Variants in RBFOX1 observed in about 807,000 individuals in gnomAD.
RBFOX1 encodes RNA binding fox-1 homolog 1.
In RBFOX1, 8 loss-of-function variants were observed where a neutral mutation model predicts 57.7. The ratio of observed to expected loss-of-function variants is 0.14; its 90% CI spans 0.08 to 0.25. RBFOX1 has a LOEUF of 0.25. Among genes scored for constraint, RBFOX1 ranks in the 10% least tolerant of loss-of-function variants. The pLI, the probability that RBFOX1 is intolerant of heterozygous loss-of-function variation, is 1.00. For missense variants in RBFOX1, 611 were observed against 548.5 expected (o/e 1.11, Z -1.14); for synonymous variants, 326 against 222.4 (o/e 1.47, Z -4.15).
rs142891625 is a variant in RBFOX1 at position 6,861,757 on chromosome 16, A to G, written c.-15-190300A>G. Among the ~76,000 whole-genome samples, 36 of 150,902 alleles carry G rather than the reference A, an allele frequency of 2.4e-4. No individual in the cohort carries two copies. In the East Asian group the frequency reaches 6.5e-3, roughly 27 times the overall value. On this transcript the variant is annotated intron_variant, in intron 3 of 15. Transcript: ENST00000550418. ...CAGCTATTTGAAAACCCTATTGATA[A>G]TAAGTATTTGGCCAAAGTGTTTCCA...
At chr16:7,153,985 T>G (rs567177182) in intron 4 of RBFOX1, among the ~76,000 whole-genome samples, 13 of 152,194 alleles carry the variant, frequency 8.5e-5, no homozygotes, top group African/African-American at 1.2e-4. Flanking sequence ...TGTTGACATC[T>G]GTGTGGATTT....
intron 3 of RBFOX1, among the ~76,000 whole-genome samples, chr16:6,945,017 C>T (rs564578454): frequency 6.6e-6 from 1 of 152,094 alleles, no homozygotes; most frequent in Non-Finnish European, 1.5e-5. Context: ...AGCAGCTCTT[C>T]TTCTTATCTT....
intron 1 of RBFOX1, among the ~76,000 whole-genome samples, chr16:5,433,799 C>T (rs2067827051): frequency 6.6e-6 from 1 of 152,146 alleles, no homozygotes; most frequent in African/African-American, 2.4e-5. Flanking sequence ...CGCTGCTTCC[C>T]CAGCATCTAG....
Position 6,654,661 on chromosome 16 carries a change from A to C in RBFOX1, c.-16+11A>C, listed in dbSNP as rs947032751. 67 of 1,503,086 alleles carry C rather than the reference A, an allele frequency of 4.5e-5. No individual in the cohort carries two copies. Among genetic ancestry groups the C allele is most frequent in the Non-Finnish European group, 5.7e-5 (65 of 1,134,812 alleles). The allele number at this position is 1,503,086 out of a possible 1,614,324, so 93.1% of individuals were successfully genotyped here. A position where few individuals can be genotyped will look rare whatever the true frequency, so the allele number is the denominator to read the frequency against. On this transcript the variant is annotated intron_variant, in intron 3 of 15. Transcript: ENST00000550418. The stretch of plus-strand genomic sequence containing the variant: ...ATAGAAGACAGAAAGGTGAGTCAAT[A>C]TTTTTCATTTTTAGGGTTGCAAACA...
chr16:5,661,095 T>C (rs998812567), intron 3 of RBFOX1, among the ~76,000 whole-genome samples: 11 of 152,158 alleles, frequency 7.2e-5, no homozygotes, highest in Admixed American at 2.6e-4. Context: ...CCTCCTGAGA[T>C]TGGGAAAAGA....
chr16:6,433,642 G>A (rs1821970813), intron 2 of RBFOX1, among the ~76,000 whole-genome samples: 1 of 152,052 alleles, frequency 6.6e-6, no homozygotes, highest in African/African-American at 2.4e-5. Context: ...AGAGTTTTAG[G>A]GGGATAAAAT....
chr16:7,223,536 A>T (rs563421796), intron 4 of RBFOX1, among the ~76,000 whole-genome samples: 1 of 152,310 alleles, frequency 6.6e-6, no homozygotes, highest in South Asian at 2.1e-4. Context: ...TCAGAACTCC[A>T]AATTTTCAGG....
At chr16:7,663,857 G>T (rs2068456545) in intron 12 of RBFOX1, among the ~76,000 whole-genome samples, 1 of 152,156 alleles carries the variant, frequency 6.6e-6, no homozygotes, top group Non-Finnish European at 1.5e-5. Context: ...TCATGCTTAG[G>T]AAATACAAAT....
rs1228826374 is a variant in RBFOX1, at chr16:5,787,008, T to C, written c.319-80295T>C. Among the ~76,000 whole-genome samples, 5 of 152,144 alleles carry C rather than the reference T, an allele frequency of 3.3e-5. No homozygotes were observed. In the East Asian group the frequency reaches 7.7e-4, roughly 23 times the overall value. ...AAGATTAACTGGGCGCGGTGGCAGA[T>C]GCCTGTAATCTCAGCTCCTTGGGAG... On this transcript the variant is annotated intron_variant, in intron 3 of 19. Coordinates refer to the RBFOX1 transcript ENST00000641259.
At chr16:6,924,271 G>A (rs1412479768) in intron 3 of RBFOX1, among the ~76,000 whole-genome samples, 1 of 152,128 alleles carries the variant, frequency 6.6e-6, no homozygotes, top group Non-Finnish European at 1.5e-5. Context: ...TGGCTGTGCA[G>A]TTATGGCTCC....
chr16:6,378,062 G>T (rs968033977), intron 2 of RBFOX1, among the ~76,000 whole-genome samples: 1 of 152,202 alleles, frequency 6.6e-6, no homozygotes, highest in African/African-American at 2.4e-5. Context: ...TGGATAGGCC[G>T]TGTATGTTTA....
At chr16:5,806,903 C>T (rs1441312881) in intron 3 of RBFOX1, among the ~76,000 whole-genome samples, 2 of 152,140 alleles carry the variant, frequency 1.3e-5, no homozygotes, top group African/African-American at 4.8e-5. Flanking sequence ...CTCTCAGAGC[C>T]ACTTACCGAA....
chr16:6,632,430 G>C (rs565947751), intron 2 of RBFOX1, among the ~76,000 whole-genome samples: 4 of 152,164 alleles, frequency 2.6e-5, no homozygotes, highest in Non-Finnish European at 5.9e-5. Flanking sequence ...TGACTTACCT[G>C]AGAATGATAT....
intron 3 of RBFOX1, among the ~76,000 whole-genome samples, chr16:6,835,752 TAAAAAAAAAAAAAAA>T (rs56299805): frequency 1.3e-5 from 1 of 76,986 alleles, no homozygotes; most frequent in East Asian, 3.9e-4. Flanking sequence ...AGACTCTGCT[TAAAAAAAAAAAAAAA>T]AAAAAAAAAA....
At chr16:6,671,256 T>G (rs1041662960) in intron 3 of RBFOX1, among the ~76,000 whole-genome samples, 2 of 152,206 alleles carry the variant, frequency 1.3e-5, no homozygotes, top group African/African-American at 4.8e-5. Flanking sequence ...TGGCTTCTTA[T>G]GCTCAGCACA....
intron 1 of RBFOX1, among the ~76,000 whole-genome samples, chr16:6,118,001 G>C (rs1173190578): frequency 6.6e-6 from 1 of 152,172 alleles, no homozygotes; most frequent in Non-Finnish European, 1.5e-5. Flanking sequence ...AGTAGCAGCT[G>C]TAAATAATTT....
At chr16:7,693,267 C>T (rs759295563) in intron 14 of RBFOX1, 14 of 1,551,810 alleles carry the variant, frequency 9.0e-6, no homozygotes, top group Non-Finnish European at 1.2e-5. Context: ...GCAGAGAGCA[C>T]ATTTCCCCCT....
At chr16:5,957,649 T>C (rs2059671627) in intron 4 of RBFOX1, among the ~76,000 whole-genome samples, 1 of 152,194 alleles carries the variant, frequency 6.6e-6, no homozygotes, top group African/African-American at 2.4e-5. Context: ...CCTCGTTTTA[T>C]TTTTCATTAA....
At chr16:7,239,005 G>A (rs887296849) in intron 4 of RBFOX1, among the ~76,000 whole-genome samples, 5 of 152,188 alleles carry the variant, frequency 3.3e-5, no homozygotes, top group African/African-American at 1.2e-4. Context: ...GCACCCCACA[G>A]TATACATGTA....
Sources: allele counts gnomAD v4.1 joint callset (sites outside exome capture counted in the v4.1 genomes callset), GRCh38; gene constraint gnomAD v4.1.1; transcripts MANE v1.5; gene names NCBI Gene and HGNC (gene_info 2026-07-23, HGNC 2026-07-21).